Variants in IKZF2 observed in about 807,000 individuals in gnomAD.
IKZF2 encodes the protein IKAROS family zinc finger 2, also known as zinc finger protein Helios.
Under a neutral mutation model 49.2 loss-of-function variants are expected in IKZF2, and 15 were observed. That is an observed-to-expected ratio of 0.30 (90% CI 0.20 to 0.47). The LOEUF (loss-of-function observed/expected upper bound fraction) is 0.47. Ranked by LOEUF, IKZF2 falls within the 20% of genes least tolerant of loss-of-function variation. The pLI, the probability that IKZF2 is intolerant of heterozygous loss-of-function variation, is 1.00. For synonymous variants in IKZF2, 227 were observed against 221.4 expected (o/e 1.03, Z -0.23); for missense variants, 567 against 664.6 (o/e 0.85, Z 1.61).
At chr2:213,138,986 C>T (rs569553865) in intron 4 of IKZF2, among the ~76,000 whole-genome samples, 3 of 151,962 alleles carry the variant, frequency 2.0e-5, no homozygotes, top group Admixed American at 1.3e-4. Context: ...CATCAGCTGT[C>T]GAGATTTCTG....
intron 8 of IKZF2, among the ~76,000 whole-genome samples, chr2:213,009,459 A>G (rs1695708256): frequency 6.6e-6 from 1 of 152,102 alleles, no homozygotes; most frequent in Non-Finnish European, 1.5e-5. Context: ...AATGGTTAAT[A>G]TGTTGTTGTG....
At chr2:213,126,076 A>G (rs2060249506) in intron 4 of IKZF2, among the ~76,000 whole-genome samples, 1 of 152,142 alleles carries the variant, frequency 6.6e-6, no homozygotes, top group South Asian at 2.1e-4. Context: ...ATGTTCCTAT[A>G]TCATTTTTAC....
intron 4 of IKZF2, among the ~76,000 whole-genome samples, chr2:213,127,871 G>A (rs2060321718): frequency 6.6e-6 from 1 of 152,062 alleles, no homozygotes. Context: ...AGGAACTAAA[G>A]AAATTAGATT....
chr2:213,129,694 A>G (rs930374472), intron 4 of IKZF2, among the ~76,000 whole-genome samples: 1 of 152,174 alleles, frequency 6.6e-6, no homozygotes, highest in African/African-American at 2.4e-5. Flanking sequence ...GGCTCTGTCT[A>G]TTGTGTGGAA....
At chr2:213,073,582 A>C (rs1702937812) in intron 4 of IKZF2, among the ~76,000 whole-genome samples, 1 of 152,246 alleles carries the variant, frequency 6.6e-6, no homozygotes, top group South Asian at 2.1e-4. Flanking sequence ...AAAACAACAG[A>C]AAAATCAATG....
chr2:213,009,289 AG>A (rs1321874611), intron 8 of IKZF2, among the ~76,000 whole-genome samples: 6 of 152,158 alleles, frequency 3.9e-5, no homozygotes, highest in African/African-American at 1.4e-4. Context: ...CAACGGGAAA[AG>A]TAGTTTTGAT....
intron 4 of IKZF2, among the ~76,000 whole-genome samples, chr2:213,101,208 G>A (rs1706619272): frequency 1.3e-5 from 2 of 151,572 alleles, no homozygotes; most frequent in Admixed American, 6.6e-5. Context: ...TATCTTTCAA[G>A]CCTGCTTTAA....
At chr2:213,104,273 A>G (rs1286575918) in intron 4 of IKZF2, among the ~76,000 whole-genome samples, 13 of 151,648 alleles carry the variant, frequency 8.6e-5, no homozygotes, top group Non-Finnish European at 1.6e-4. Flanking sequence ...AAAAAAAAAA[A>G]AAAGAAAAAG....
chr2:213,052,421 G>C (rs1700760076), intron 5 of IKZF2, among the ~76,000 whole-genome samples: 1 of 151,992 alleles, frequency 6.6e-6, no homozygotes. Flanking sequence ...AAGGCTTTGG[G>C]AGATATTGAT....
chr2:213,083,443 T>G, intron 4 of IKZF2, among the ~76,000 whole-genome samples: 1 of 136,074 alleles, frequency 7.3e-6, no homozygotes. Context: ...CAGGCTGGAG[T>G]GCAATGGCGC....
chr2:213,057,015 T>C lies in IKZF2; in HGVS notation c.224A>G (p.Asp75Gly). The change falls in exon 5 of 9, where the codon GAT becomes GGT. Residue 75 changes from aspartate to glycine, a missense_variant. By Grantham distance (94) the Asp-to-Gly change is moderately conservative. Coordinates refer to ENST00000434687, the MANE Select transcript of IKZF2 (RefSeq NM_001387220.1). ...GGGTTCTTCTAGGCTGCTACCCTCA[T>C]CATGGCCCCTGATCTCATCTTCACG... Reference protein sequence around the residue: ...LSREDEIRGHDEGSSLEEPLI... With the variant: ...LSREDEIRGHGEGSSLEEPLI... The C allele has an allele frequency of 1.2e-6, 2 of 1,613,922 alleles. No individual in the cohort carries two copies. Among genetic ancestry groups the C allele is most frequent in the African/African-American group, 1.3e-5 (1 of 75,028 alleles).
rs541637224 is a variant in IKZF2, at chr2:213,029,338, TC to T, written c.575-7209del. Among the ~76,000 whole-genome samples the T allele has an allele frequency of 5.4e-3, 816 of 152,162 alleles. 6 individuals are homozygous for T. The highest frequency in any genetic ancestry group is 0.034 in the Middle Eastern group (10 of 294). On this transcript the variant is annotated intron_variant, in intron 6 of 8. Transcript: ENST00000434687. ...GAAGGTTTTTAACTTCAATTTCAAT[TC>T]CTGGAATAAATGTGGGCTATTCAGA...
At chr2:213,045,374 G>A (rs1480308966) in intron 6 of IKZF2, among the ~76,000 whole-genome samples, 1 of 152,176 alleles carries the variant, frequency 6.6e-6, no homozygotes, top group Non-Finnish European at 1.5e-5. Flanking sequence ...CTTGATTTCT[G>A]TTTAAGGTAA....
chr2:213,097,288 T>C (rs1242118853), intron 4 of IKZF2, among the ~76,000 whole-genome samples: 1 of 151,972 alleles, frequency 6.6e-6, no homozygotes. Flanking sequence ...AAATGTTTTA[T>C]TAGTTAATAA....
intron 4 of IKZF2, among the ~76,000 whole-genome samples, chr2:213,112,978 TA>T (rs541801744): frequency 6.6e-6 from 1 of 152,040 alleles, no homozygotes; most frequent in Admixed American, 6.6e-5. Flanking sequence ...CTACAGTTGC[TA>T]AAAAAAGCAA....
At chr2:213,124,994 T>C (rs2060212111) in intron 4 of IKZF2, among the ~76,000 whole-genome samples, 1 of 152,228 alleles carries the variant, frequency 6.6e-6, no homozygotes, top group African/African-American at 2.4e-5. Flanking sequence ...ATACACAATC[T>C]TTTCCCCTAA....
chr2:213,068,840 T>C (rs1052001259), intron 4 of IKZF2, among the ~76,000 whole-genome samples: 3 of 151,436 alleles, frequency 2.0e-5, no homozygotes, highest in Non-Finnish European at 4.4e-5. Context: ...CAAAAGATAG[T>C]GCAATGTGAT....
chr2:213,135,216 T>C (rs973421107), intron 4 of IKZF2, among the ~76,000 whole-genome samples: 4 of 152,192 alleles, frequency 2.6e-5, no homozygotes, highest in Non-Finnish European at 1.5e-5. Flanking sequence ...TGAAAATCTA[T>C]GTTTTAACTC....
chr2:213,047,903 C>T (rs192339539), intron 6 of IKZF2, among the ~76,000 whole-genome samples: 5 of 151,368 alleles, frequency 3.3e-5, no homozygotes, highest in South Asian at 2.1e-4. Flanking sequence ...CTTATTTAGC[C>T]GATGTGCTAA....
Sources: gnomAD v4.1 joint callset for allele counts (sites outside exome capture counted in the v4.1 genomes callset) on GRCh38, gnomAD v4.1.1 for gene constraint, MANE v1.5 for transcripts, NCBI Gene and HGNC (gene_info 2026-07-23, HGNC 2026-07-21) for gene names.